Variants in FOXC1 observed in about 807,000 individuals in gnomAD.
The protein encoded by FOXC1 is forkhead box C1.
In FOXC1, 5 loss-of-function variants were observed where a neutral mutation model predicts 8.1. The ratio of observed to expected loss-of-function variants is 0.62; its 90% CI spans 0.32 to 1.30. The LOEUF is 1.30. Among genes scored for constraint, FOXC1 ranks in the 50% most tolerant of loss-of-function variants. The probability of loss-of-function intolerance (pLI) is 0.05; values close to 1 mark genes in which losing one functional copy is unlikely to be tolerated. For synonymous variants in FOXC1, 552 were observed against 417.2 expected (o/e 1.32, Z -3.94); for missense variants, 942 against 858.0 (o/e 1.10, Z -1.22).
At position 1,610,475 on chromosome 6, in the gene FOXC1, C is replaced by G; in HGVS notation, c.30C>G (p.Pro10=). 26 of 1,475,516 alleles carry G rather than the reference C, an allele frequency of 1.8e-5. No individual in the cohort carries two copies. The highest frequency in any genetic ancestry group is 2.2e-5 in the Non-Finnish European group (24 of 1,115,194). 91.4% of individuals were successfully genotyped at this position (1,475,516 alleles called of 1,614,324 possible). A position where few individuals can be genotyped will look rare whatever the true frequency, so the allele number is the denominator to read the frequency against. Residue 10 remains proline, a synonymous_variant, in exon 1 of 1, where the codon CCC becomes CCG. Coordinates refer to ENST00000645831, the MANE Select transcript of FOXC1 (RefSeq NM_001453.3). MQARYSVSS[P]NSLGVVPYLG... is the part of the protein sequence containing the mutation. ...AGGCGCGCTACTCCGTGTCCAGCCC[C>G]AACTCCCTGGGAGTGGTGCCCTACC...
chr6:1,611,743 T>G lies in FOXC1; in HGVS notation c.1298T>G (p.Leu433Arg), dbSNP rs1327616334. ...AVDDPLPDYS[L>R]PPVTSSSSSS... ...GACGACCCCCTGCCCGACTACTCTCTGCCTCCGGTCACCAGCAGCAGCTCG... is the reference window on the plus strand; with the variant it reads ...GACGACCCCCTGCCCGACTACTCTCGGCCTCCGGTCACCAGCAGCAGCTCG... Residue 433 changes from leucine (L) to arginine (R), a missense_variant, in exon 1 of 1, where the codon CTG (leucine) becomes CGG (arginine). By Grantham distance (102) the Leu-to-Arg change is moderately radical. Around this residue, in one of 4 missense-constraint regions of FOXC1, gnomAD observed 726 missense variants for 599.6 expected, o/e 1.21. Coordinates refer to ENST00000645831, the MANE Select transcript of FOXC1 (RefSeq NM_001453.3). The surrounding 1 kb of genome is among the most constrained non-coding windows in gnomAD (Gnocchi z 7.1). 1 of 1,470,098 alleles carries G rather than the reference T, an allele frequency of 6.8e-7. No individual in the cohort carries two copies. Among genetic ancestry groups the G allele is most frequent in the African/African-American group, 1.5e-5 (1 of 67,146 alleles). 91.1% of individuals were successfully genotyped at this position (1,470,098 alleles called of 1,614,324 possible). A position where few individuals can be genotyped will look rare whatever the true frequency, so the allele number is the denominator to read the frequency against.
rs1363320651 is a variant in FOXC1, at chr6:1,610,463, C to G, written c.18C>G (p.Ser6=). 1 of 1,445,618 alleles carries G rather than the reference C, an allele frequency of 6.9e-7. No individual in the cohort carries two copies. Among genetic ancestry groups the G allele is most frequent in the Non-Finnish European group, 9.1e-7 (1 of 1,100,824 alleles). 89.5% of individuals were successfully genotyped at this position (1,445,618 alleles called of 1,614,324 possible). The change falls in exon 1 of 1, where the codon TCC becomes TCG. Residue 6 remains serine, a synonymous_variant. Coordinates refer to ENST00000645831, the MANE Select transcript of FOXC1 (RefSeq NM_001453.3). MQARY[S]VSSPNSLGVV... ...CGGGGGCCATGCAGGCGCGCTACTC[C>G]GTGTCCAGCCCCAACTCCCTGGGAG...
rs1236765850 is a variant in FOXC1, at chr6:1,612,310, A to G, written c.*203A>G. On this transcript the variant is annotated 3_prime_UTR_variant, in exon 1 of 1. Coordinates refer to ENST00000645831, the MANE Select transcript of FOXC1 (RefSeq NM_001453.3). ...GAAAACTCTATTTTCTTAACCGATT[A>G]ATTCAGAGCCACCTCCACTTTGCCT... The G allele has an allele frequency of 1.5e-5, 11 of 758,190 alleles. 1 individual carries two copies. Among genetic ancestry groups the G allele is most frequent in the Admixed American group, 8.6e-5 (3 of 34,848 alleles). 47.0% of individuals were successfully genotyped at this position (758,190 alleles called of 1,614,324 possible). A position where few individuals can be genotyped will look rare whatever the true frequency, so the allele number is the denominator to read the frequency against.
chr6:1,611,962 C>T lies in FOXC1; in HGVS notation c.1517C>T (p.Ser506Leu), dbSNP rs1485010027. Residue 506 changes from serine to leucine, a missense_variant, in exon 1 of 1, where the codon TCG becomes TTG. By Grantham distance (145) the Ser-to-Leu change is moderately radical. Around this residue, in one of 4 missense-constraint regions of FOXC1, gnomAD observed 726 missense variants for 599.6 expected, o/e 1.21. Transcript: ENST00000645831. The surrounding 1 kb of genome is among the most constrained non-coding windows in gnomAD (Gnocchi z 7.1). The part of the protein sequence containing the change: ...GYPGQQQNFH[S>L]VREMFESQRI... ...CCGGGCCAGCAGCAGAACTTCCACT[C>T]GGTGCGGGAGATGTTCGAGTCACAG... The T allele has an allele frequency of 3.7e-6, 6 of 1,604,990 alleles. No homozygotes were observed. Among genetic ancestry groups the T allele is most frequent in the Non-Finnish European group, 4.3e-6 (5 of 1,175,872 alleles).
rs1486212361 is a variant in FOXC1, at chr6:1,610,998, GAGA to G, written c.556_558del (p.Lys186del). 2.5e-6 allele frequency: 4 copies of G among 1,611,026 alleles called. No individual in the cohort carries two copies. The highest frequency in any genetic ancestry group is 2.2e-5 in the East Asian group (1 of 44,752). On this transcript the variant is annotated inframe_deletion, in exon 1 of 1. Transcript: ENST00000645831. ...GAAGGACGCGGTGAAGGACAAGGAG[GAGA>G]AGGACAGGCTGCACCTCAAGGAGCC...
Position 1,611,364 on chromosome 6 carries a change from G to A in FOXC1, c.919G>A (p.Gly307Ser), listed in dbSNP as rs1024278363. ...CGCCCCGCCGCCGCACCATAGCCAG[G>A]GCTTCAGCGTGGACAACATCATGAC... ...PSAPPPHHSQGFSVDNIMTSL... is the reference protein window; with the variant it reads ...PSAPPPHHSQSFSVDNIMTSL... Residue 307 changes from glycine to serine, a missense_variant, in exon 1 of 1, where the codon GGC becomes AGC. Physicochemically the swap from Gly to Ser is moderately conservative, Grantham distance 56 (BLOSUM62 0). Around this residue, in one of 4 missense-constraint regions of FOXC1, gnomAD observed 726 missense variants for 599.6 expected, o/e 1.21. Coordinates refer to ENST00000645831, the MANE Select transcript of FOXC1 (RefSeq NM_001453.3). The surrounding 1 kb of genome is among the most constrained non-coding windows in gnomAD (Gnocchi z 7.1). 8 of 1,441,708 alleles carry A rather than the reference G, an allele frequency of 5.5e-6. No individual in the cohort carries two copies. In the African/African-American group the frequency reaches 7.4e-5, roughly 13 times the overall value. 89.3% of individuals were successfully genotyped at this position (1,441,708 alleles called of 1,614,324 possible). A position where few individuals can be genotyped will look rare whatever the true frequency, so the allele number is the denominator to read the frequency against.
chr6:1,610,406 G>T lies in FOXC1; in HGVS notation c.-40G>T. On this transcript the variant is annotated 5_prime_UTR_variant, in exon 1 of 1. Transcript: ENST00000645831. ...GCGCGGCCCGGCCCGAGCGAGGGTG[G>T]GGGGCGGCGGGCGGCGCGGGGCGGC... 8.7e-7 allele frequency: 1 copy of T among 1,154,384 alleles called. No homozygotes were observed. The highest frequency in any genetic ancestry group is 1.1e-6 in the Non-Finnish European group (1 of 931,878). The allele number at this position is 1,154,384 out of a possible 1,614,324, so 71.5% of individuals were successfully genotyped here. A position where few individuals can be genotyped will look rare whatever the true frequency, so the allele number is the denominator to read the frequency against.
rs1043440034 is a variant in FOXC1, at chr6:1,612,988, TTTA to T, written c.*884_*886del. On this transcript the variant is annotated 3_prime_UTR_variant, in exon 1 of 1. Transcript: ENST00000645831. ...TTTACTAAAAGTCTTTTTGTTTAGA[TTTA>T]TTTTCCTGCAGCATCTTCTGCAAAA... 327 of 225,374 alleles carry T rather than the reference TTTA, an allele frequency of 1.5e-3. No individual in the cohort carries two copies. Among genetic ancestry groups the T allele is most frequent in the Non-Finnish European group, 6.0e-4 (62 of 104,006 alleles). 14.0% of individuals were successfully genotyped at this position (225,374 alleles called of 1,614,324 possible). A position where few individuals can be genotyped will look rare whatever the true frequency, so the allele number is the denominator to read the frequency against.
rs1232314245 is a variant in FOXC1, at chr6:1,612,203, T to TAAAA, written c.*101_*104dup. ...CGAAACTAAAAAAAAAAAATCCAAT[T>TAAAA]AAAAAAAACCCCTGAGAATATTCAC... On this transcript the variant is annotated 3_prime_UTR_variant, in exon 1 of 1. Transcript: ENST00000645831. 11 of 1,541,176 alleles carry TAAAA rather than the reference T, an allele frequency of 7.1e-6. No individual in the cohort carries two copies. The South Asian group carries it at 9.5e-5, about 13-fold the overall frequency.
rs1581375881 is a variant in FOXC1 at position 1,613,268 on chromosome 6, C to T, written c.*1161C>T. On this transcript the variant is annotated 3_prime_UTR_variant, in exon 1 of 1. Coordinates refer to ENST00000645831, the MANE Select transcript of FOXC1 (RefSeq NM_001453.3). ...TAAAATTGCAGTGCATATTATACATCCCTGTGAGCCAGATGCTGAATAGAT... is the reference window on the plus strand; with the variant it reads ...TAAAATTGCAGTGCATATTATACATTCCTGTGAGCCAGATGCTGAATAGAT... 2 of 234,106 alleles carry T rather than the reference C, an allele frequency of 8.5e-6. No individual in the cohort carries two copies. The highest frequency in any genetic ancestry group is 1.8e-5 in the Non-Finnish European group (2 of 109,522). The allele number at this position is 234,106 out of a possible 1,614,324, so 14.5% of individuals were successfully genotyped here. A position where few individuals can be genotyped will look rare whatever the true frequency, so the allele number is the denominator to read the frequency against.
In FOXC1 at chr6:1,612,306, GATTA is replaced by G. The variant is rs1033531452; in HGVS notation, c.*203_*206del. 4.4e-5 allele frequency: 34 copies of G among 778,754 alleles called. No homozygotes were observed. In the Admixed American group the frequency reaches 8.0e-4, roughly 18 times the overall value. 48.2% of individuals were successfully genotyped at this position (778,754 alleles called of 1,614,324 possible). A position where few individuals can be genotyped will look rare whatever the true frequency, so the allele number is the denominator to read the frequency against. On this transcript the variant is annotated 3_prime_UTR_variant, in exon 1 of 1. Transcript: ENST00000645831. ...CGAAGAAAACTCTATTTTCTTAACC[GATTA>G]ATTCAGAGCCACCTCCACTTTGCCT...
In FOXC1 at chr6:1,611,034, C is replaced by T. The variant is rs2113112088; in HGVS notation, c.589C>T (p.Pro197Ser). Reference sequence around the variant, plus strand: ...GCTGCACCTCAAGGAGCCGCCCCCGCCCGGCCGCCAGCCCCCGCCCGCGCC... The same window carrying T: ...GCTGCACCTCAAGGAGCCGCCCCCGTCCGGCCGCCAGCCCCCGCCCGCGCC... ...DRLHLKEPPP[P>S]GRQPPPAPPE... is the part of the protein sequence containing the mutation. The change falls in exon 1 of 1, where the codon CCC becomes TCC. Residue 197 changes from proline to serine, a missense_variant. Physicochemically the swap from Pro to Ser is moderately conservative, Grantham distance 74. This residue lies in a region of FOXC1 where 726 missense variants were observed against 599.6 expected (regional missense o/e 1.21). Transcript: ENST00000645831. The surrounding 1 kb of genome is among the most constrained non-coding windows in gnomAD (Gnocchi z 7.1). 1.3e-6 allele frequency: 2 copies of T among 1,547,164 alleles called. No homozygotes were observed. Among genetic ancestry groups the T allele is most frequent in the East Asian group, 5.0e-5 (2 of 40,272 alleles).
rs1437875576 is a variant in FOXC1, at chr6:1,611,798, C to CGGT, written c.1355_1356insTGG (p.Gly456dup). On this transcript the variant is annotated inframe_insertion, in exon 1 of 1. Transcript: ENST00000645831. This position sits in a 1 kb window ranked among gnomAD's most constrained non-coding sequence, Gnocchi z 7.1. ...CCCTGAGTCACGGCGGCGGCGGCGG[C>CGGT]GGCGGCGGGGGAGGCCAGGAGGCCG... The CGGT allele has an allele frequency of 3.4e-6, 5 of 1,465,520 alleles. No individual in the cohort carries two copies. Among genetic ancestry groups the CGGT allele is most frequent in the South Asian group, 2.7e-5 (2 of 75,330 alleles). 90.8% of individuals were successfully genotyped at this position (1,465,520 alleles called of 1,614,324 possible).
Position 1,612,112 on chromosome 6 carries a change from C to T in FOXC1, c.*5C>T, listed in dbSNP as rs550008409. 7 of 1,613,906 alleles carry T rather than the reference C, an allele frequency of 4.3e-6. No homozygotes were observed. Among genetic ancestry groups the T allele is most frequent in the South Asian group, 3.3e-5 (3 of 91,068 alleles). Reference sequence around the variant, plus strand: ...TACGACTGTAGCAAGTTTTGACACACCCTCAAAGCCGAACTAAATCGAACC... The same window carrying T: ...TACGACTGTAGCAAGTTTTGACACATCCTCAAAGCCGAACTAAATCGAACC... On this transcript the variant is annotated 3_prime_UTR_variant, in exon 1 of 1. Coordinates refer to ENST00000645831, the MANE Select transcript of FOXC1 (RefSeq NM_001453.3).
chr6:1,611,438 C>G lies in FOXC1; in HGVS notation c.993C>G (p.Gly331=). ...PQSAAAELSS[G]LLASAAASSR... is the part of the protein sequence containing the mutation. ...GCGCGGCCGCGGAGCTCAGCTCCGGCCTTCTGGCCTCGGCGGCCGCGTCCT... is the reference window on the plus strand; with the variant it reads ...GCGCGGCCGCGGAGCTCAGCTCCGGGCTTCTGGCCTCGGCGGCCGCGTCCT... Residue 331 remains glycine (G), a synonymous_variant, in exon 1 of 1, where the codon GGC becomes GGG. Transcript: ENST00000645831. The surrounding 1 kb of genome is among the most constrained non-coding windows in gnomAD (Gnocchi z 7.1). 2.1e-6 allele frequency: 3 copies of G among 1,405,982 alleles called. No individual in the cohort carries two copies. Among genetic ancestry groups the G allele is most frequent in the Non-Finnish European group, 2.8e-6 (3 of 1,081,176 alleles). 87.1% of individuals were successfully genotyped at this position (1,405,982 alleles called of 1,614,324 possible).
chr6:1,612,482 G>GCCTTCTTCCTTGCCTCTCA lies in FOXC1; in HGVS notation c.*379_*397dup, dbSNP rs1762575055. 3 of 410,128 alleles carry GCCTTCTTCCTTGCCTCTCA rather than the reference G, an allele frequency of 7.3e-6. No individual in the cohort carries two copies. The highest frequency in any genetic ancestry group is 8.5e-5 in the Admixed American group (2 of 23,442). 25.4% of individuals were successfully genotyped at this position (410,128 alleles called of 1,614,324 possible). On this transcript the variant is annotated 3_prime_UTR_variant, in exon 1 of 1. Coordinates refer to ENST00000645831, the MANE Select transcript of FOXC1 (RefSeq NM_001453.3). ...CCCCTCCTCCCGTCTCCCCTCTCTT[G>GCCTTCTTCCTTGCCTCTCA]CCTTCTTCCTTGCCTCTCACCTGTA...
chr6:1,611,519 C>T lies in FOXC1; in HGVS notation c.1074C>T (p.Ser358=), dbSNP rs747540420. The change falls in exon 1 of 1, where the codon AGC becomes AGT. Residue 358 remains serine (S), a synonymous_variant. Transcript: ENST00000645831. This position sits in a 1 kb window ranked among gnomAD's most constrained non-coding sequence, Gnocchi z 7.1. ...LALGAYSPGQ[S]SLYSSPCSQT... ...TCGGCGCCTACTCGCCCGGCCAGAG[C>T]TCCCTCTACAGCTCCCCCTGCAGCC... 4.4e-5 allele frequency: 59 copies of T among 1,353,956 alleles called. No homozygotes were observed. Among genetic ancestry groups the T allele is most frequent in the Non-Finnish European group, 5.0e-5 (52 of 1,047,028 alleles). The allele number at this position is 1,353,956 out of a possible 1,614,324, so 83.9% of individuals were successfully genotyped here.
In FOXC1 at chr6:1,610,977, G is replaced by A. The variant is rs751970827; in HGVS notation, c.532G>A (p.Asp178Asn). Residue 178 changes from aspartate to asparagine, a missense_variant, in exon 1 of 1, where the codon GAC becomes AAC. By Grantham distance (23) the Asp-to-Asn change is conservative (BLOSUM62 1). Transcript: ENST00000645831. Reference protein sequence around the residue: ...LRRRRRFKKKDAVKDKEEKDR... With the variant: ...LRRRRRFKKKNAVKDKEEKDR... The stretch of plus-strand genomic sequence containing the variant: ...GCGGCGGCGGCGCTTCAAGAAGAAG[G>A]ACGCGGTGAAGGACAAGGAGGAGAA... The A allele has an allele frequency of 5.0e-6, 8 of 1,613,194 alleles. No individual in the cohort carries two copies. Among genetic ancestry groups the A allele is most frequent in the Non-Finnish European group, 5.9e-6 (7 of 1,179,862 alleles).
chr6:1,611,782 A>ACGGCGGCGG lies in FOXC1; in HGVS notation c.1353_1361dup (p.Gly454_Gly456dup), dbSNP rs398123612. 118 of 1,440,792 alleles carry ACGGCGGCGG rather than the reference A, an allele frequency of 8.2e-5. No individual in the cohort carries two copies. The Admixed American group carries it at 1.7e-3, about 21-fold the overall frequency. The allele number at this position is 1,440,792 out of a possible 1,614,324, so 89.3% of individuals were successfully genotyped here. On this transcript the variant is annotated inframe_insertion, in exon 1 of 1. Coordinates refer to ENST00000645831, the MANE Select transcript of FOXC1 (RefSeq NM_001453.3). The surrounding 1 kb of genome is among the most constrained non-coding windows in gnomAD (Gnocchi z 7.1). Reference sequence around the variant, plus strand: ...AGCAGCAGCTCGTCGTCCCTGAGTCACGGCGGCGGCGGCGGCGGCGGCGGG... The same window carrying ACGGCGGCGG: ...AGCAGCAGCTCGTCGTCCCTGAGTCACGGCGGCGGCGGCGGCGGCGGCGGCGGCGGCGGG...
Sources: allele counts gnomAD v4.1 joint callset, GRCh38; gene constraint gnomAD v4.1.1; regional missense constraint gnomAD v4.1.1; non-coding constraint Gnocchi (gnomAD v3.1); transcripts MANE v1.5; gene names NCBI Gene and HGNC (gene_info 2026-07-23, HGNC 2026-07-21).